The following KCNMB2 variants were observed in gnomAD, a reference collection of about 807,000 sequenced individuals.
KCNMB2 encodes calcium-activated potassium channel subunit beta-2.
A neutral mutation model predicts 24.5 loss-of-function variants in KCNMB2; 9 were observed. The observed-to-expected ratio is 0.37, with a 90% confidence interval of 0.22 to 0.64. The LOEUF is 0.64. Ranked by LOEUF, KCNMB2 falls within the 30% of genes least tolerant of loss-of-function variation. The pLI is 0.63. For synonymous variants in KCNMB2, 109 were observed against 104.4 expected, an observed-to-expected ratio of 1.04 and a Z score of -0.27; for missense variants, 226 against 284.3, an observed-to-expected ratio of 0.79 and a Z score of 1.47.
At chr3:178,831,584 C>A (rs1394472995) in intron 4 of KCNMB2, among the ~76,000 whole-genome samples, 4 of 152,110 alleles carry the variant, frequency 2.6e-5, no homozygotes, top group Admixed American at 2.6e-4. Flanking sequence ...AGAATGAGAT[C>A]ATGTCCTTTG....
At position 178,567,911 on chromosome 3, in the gene KCNMB2, C is replaced by A. The variant is rs116094259; in HGVS notation, c.-68+31200C>A. Among the ~76,000 whole-genome samples the A allele has an allele frequency of 4.9e-3, 751 of 152,260 alleles. 2 individuals are homozygous for A. Among genetic ancestry groups the A allele is most frequent in the Non-Finnish European group, 8.0e-3 (545 of 67,996 alleles). Reference sequence around the variant, plus strand: ...GCTCCCTTAAATAAAGATTCCATCTCTTCCTCACAGTACACTAGGTCTAAA... The same window carrying A: ...GCTCCCTTAAATAAAGATTCCATCTATTCCTCACAGTACACTAGGTCTAAA... On this transcript the variant is annotated intron_variant, in intron 1 of 4. Transcript: ENST00000452583.
rs527987349 is a variant in KCNMB2 at position 178,536,475 on chromosome 3, T to G, written c.-304T>G. On this transcript the variant is annotated 5_prime_UTR_variant, in exon 1 of 5. Transcript: ENST00000452583. ...TTAACGGAGCTCCAGATAACTAATT[T>G]CAAGCATGGCTGTCTAGCGTGCCTG... 6.6e-6 allele frequency: 1 copy of G among 152,350 alleles called. No individual in the cohort carries two copies. Among genetic ancestry groups the G allele is most frequent in the African/African-American group, 2.4e-5 (1 of 41,568 alleles). The allele number at this position is 152,350 out of a possible 1,614,324, so 9.4% of individuals were successfully genotyped here.
At chr3:178,684,786 G>A (rs527778850) in intron 1 of KCNMB2, among the ~76,000 whole-genome samples, 79 of 152,232 alleles carry the variant, frequency 5.2e-4, no homozygotes, top group South Asian at 3.1e-3. Context: ...AGCCGAGATC[G>A]CGCCATTGCA....
chr3:178,822,765 A>G (rs1408183975), intron 2 of KCNMB2, among the ~76,000 whole-genome samples: 1 of 152,188 alleles, frequency 6.6e-6, no homozygotes, highest in African/African-American at 2.4e-5. Context: ...AACCACTTTC[A>G]AATTGTGATT....
chr3:178,769,875 A>T (rs1405747116), intron 1 of KCNMB2, among the ~76,000 whole-genome samples: 1 of 152,256 alleles, frequency 6.6e-6, no homozygotes, highest in Non-Finnish European at 1.5e-5. Flanking sequence ...ATATAAATAA[A>T]TTAGAGTATA....
chr3:178,768,575 T>C lies in KCNMB2; in HGVS notation c.-67-38768T>C, dbSNP rs151140423. ...CTATAGAAAGTAAAACCTGACAAAA[T>C]GTTCTTGGCTGGCAGAAAACAGAAT... On this transcript the variant is annotated intron_variant, in intron 1 of 4. Coordinates refer to ENST00000452583, the MANE Select transcript of KCNMB2 (RefSeq NM_181361.3). Among the ~76,000 whole-genome samples, 753 of 152,240 alleles carry C rather than the reference T, an allele frequency of 4.9e-3. 7 individuals are homozygous for C. Among genetic ancestry groups the C allele is most frequent in the African/African-American group, 0.017 (719 of 41,546 alleles).
intron 1 of KCNMB2, among the ~76,000 whole-genome samples, chr3:178,585,175 C>A (rs188116607): frequency 6.6e-6 from 1 of 152,112 alleles, no homozygotes; most frequent in Admixed American, 6.5e-5. Flanking sequence ...TGGCAAATAG[C>A]GACTCTAGAA....
At chr3:178,549,160 C>T (rs577155403) in intron 1 of KCNMB2, among the ~76,000 whole-genome samples, 11 of 152,126 alleles carry the variant, frequency 7.2e-5, no homozygotes, top group Non-Finnish European at 1.3e-4. Flanking sequence ...ATATTGCCCA[C>T]TGAATATATA....
At chr3:178,742,375 G>A (rs1200945980) in intron 1 of KCNMB2, among the ~76,000 whole-genome samples, 3 of 152,184 alleles carry the variant, frequency 2.0e-5, no homozygotes. Flanking sequence ...ATTTCGTGCT[G>A]TAAGGATCAT....
chr3:178,731,355 G>T (rs1723144541), intron 1 of KCNMB2, among the ~76,000 whole-genome samples: 1 of 152,086 alleles, frequency 6.6e-6, no homozygotes, highest in African/African-American at 2.4e-5. Context: ...CAACATTTCG[G>T]GCTAGATAAT....
chr3:178,747,210 G>C (rs377632116), intron 1 of KCNMB2: 2 of 152,644 alleles, frequency 1.3e-5, no homozygotes, highest in African/African-American at 2.4e-5. Flanking sequence ...GGCAAGTCAC[G>C]TCTTACATGG....
chr3:178,781,308 T>TA (rs1372348401), intron 1 of KCNMB2, among the ~76,000 whole-genome samples: 5 of 152,128 alleles, frequency 3.3e-5, no homozygotes, highest in African/African-American at 1.2e-4. Flanking sequence ...ATTAAGAATA[T>TA]ATGACGGGCA....
At chr3:178,726,096 A>AT (rs890005752) in intron 1 of KCNMB2, among the ~76,000 whole-genome samples, 1 of 151,820 alleles carries the variant, frequency 6.6e-6, no homozygotes, top group African/African-American at 2.4e-5. Context: ...AGTGAATAAT[A>AT]TTTTAGTGGC....
At chr3:178,758,768 GAT>G (rs1173578451) in intron 1 of KCNMB2, among the ~76,000 whole-genome samples, 3 of 54 alleles carry the variant, frequency 0.056, no homozygotes, top group Non-Finnish European at 0.045. Flanking sequence ...CTCCAAGAGG[GAT>G]ATATATATAT....
At chr3:178,745,489 A>G (rs1723635539) in intron 1 of KCNMB2, among the ~76,000 whole-genome samples, 2 of 152,194 alleles carry the variant, frequency 1.3e-5, no homozygotes, top group African/African-American at 4.8e-5. Context: ...AGACACAGCC[A>G]AACCATATCA....
intron 1 of KCNMB2, among the ~76,000 whole-genome samples, chr3:178,742,811 A>G: frequency 6.6e-6 from 1 of 152,140 alleles, no homozygotes; most frequent in East Asian, 1.9e-4. Flanking sequence ...TATTGCTTCA[A>G]TATGGCTGTG....
chr3:178,789,090 A>G (rs2108438721), intron 1 of KCNMB2, among the ~76,000 whole-genome samples: 1 of 152,352 alleles, frequency 6.6e-6, no homozygotes, highest in South Asian at 2.1e-4. Context: ...GACAGAATGA[A>G]GATTAGGAAC....
chr3:178,673,051 C>T (rs966788208), intron 1 of KCNMB2, among the ~76,000 whole-genome samples: 4 of 151,988 alleles, frequency 2.6e-5, no homozygotes, highest in African/African-American at 9.7e-5. Context: ...TGTCCCTTGC[C>T]TCCTTATTTT....
At chr3:178,695,094 G>A (rs1325537180) in intron 1 of KCNMB2, among the ~76,000 whole-genome samples, 3 of 152,242 alleles carry the variant, frequency 2.0e-5, no homozygotes, top group Non-Finnish European at 4.4e-5. Flanking sequence ...CTCAATTCTT[G>A]TATGCTACAC....
Sources: gnomAD v4.1 joint callset for allele counts (sites outside exome capture counted in the v4.1 genomes callset) on GRCh38, gnomAD v4.1.1 for gene constraint, MANE v1.5 for transcripts, NCBI Gene and HGNC (gene_info 2026-07-23, HGNC 2026-07-21) for gene names.